RMST: variants seen among roughly 807,000 people sequenced by gnomAD.
The protein encoded by RMST is rhabdomyosarcoma 2 associated transcript.
At chr12:97,494,430 A>C (rs766577203) in intron 8 of RMST, among the ~76,000 whole-genome samples, 5 of 152,108 alleles carry the variant, frequency 3.3e-5, no homozygotes, top group Admixed American at 6.6e-5. Flanking sequence ...CACACCTGTA[A>C]ACCCAGCTAC....
At chr12:97,479,715 C>T (rs1874999611) in intron 5 of RMST, among the ~76,000 whole-genome samples, 1 of 152,118 alleles carries the variant, frequency 6.6e-6, no homozygotes, top group Admixed American at 6.5e-5. Context: ...CCCCTGGGTT[C>T]ATCCTCAGCC....
chr12:97,532,363 G>A (rs980892026), intron 11 of RMST, among the ~76,000 whole-genome samples: 1 of 151,890 alleles, frequency 6.6e-6, no homozygotes, highest in African/African-American at 2.4e-5. Flanking sequence ...ATTCAAAGGT[G>A]GTTAACATTT....
At chr12:97,492,289 T>G (rs1345673211) in intron 5 of RMST, among the ~76,000 whole-genome samples, 1 of 152,188 alleles carries the variant, frequency 6.6e-6, no homozygotes, top group African/African-American at 2.4e-5. Context: ...CCTGCCAGAG[T>G]GTAACATGGT....
chr12:97,558,314 T>C (rs1355083307), intron 11 of RMST, among the ~76,000 whole-genome samples: 2 of 152,192 alleles, frequency 1.3e-5, no homozygotes, highest in Non-Finnish European at 2.9e-5. Flanking sequence ...ATGGCTTATT[T>C]ATCATCACAT....
intron 10 of RMST, among the ~76,000 whole-genome samples, chr12:97,509,335 A>G (rs1303067972): frequency 6.6e-6 from 1 of 152,242 alleles, no homozygotes; most frequent in Non-Finnish European, 1.5e-5. Context: ...GCCTTCAAGT[A>G]TAAAAAGCTT....
intron 5 of RMST, among the ~76,000 whole-genome samples, chr12:97,466,413 T>G (rs562086532): frequency 3.9e-4 from 60 of 152,288 alleles, no homozygotes; most frequent in African/African-American, 1.4e-3. Flanking sequence ...ATATAAGTGG[T>G]TAATTTCCCA....
At chr12:97,554,352 A>G (rs889062496) in intron 11 of RMST, among the ~76,000 whole-genome samples, 1 of 152,164 alleles carries the variant, frequency 6.6e-6, no homozygotes, top group African/African-American at 2.4e-5. Flanking sequence ...GATTATGCAG[A>G]AGGTCCAAAA....
intron 10 of RMST, among the ~76,000 whole-genome samples, chr12:97,508,439 C>G (rs929315253): frequency 7.2e-5 from 11 of 152,094 alleles, no homozygotes; most frequent in Non-Finnish European, 1.2e-4. Context: ...ATGAGATTTC[C>G]TCCTCCTGGG....
At chr12:97,513,013 T>TGCCG (rs1879557437) in intron 10 of RMST, among the ~76,000 whole-genome samples, 2 of 152,206 alleles carry the variant, frequency 1.3e-5, no homozygotes, top group African/African-American at 2.4e-5. Context: ...GCCTGGGGCC[T>TGCCG]GCCGGCCGGC....
intron 10 of RMST, among the ~76,000 whole-genome samples, chr12:97,507,839 T>C (rs986737928): frequency 2.0e-5 from 3 of 152,118 alleles, no homozygotes; most frequent in African/African-American, 7.2e-5. Flanking sequence ...AATGAAAGCA[T>C]GGAAGAACAC....
At chr12:97,533,962 T>G (rs79687187) in intron 11 of RMST, among the ~76,000 whole-genome samples, 2 of 151,792 alleles carry the variant, frequency 1.3e-5, no homozygotes, top group African/African-American at 4.8e-5. Context: ...AAGTCAAAGA[T>G]GAAAAACTTG....
intron 10 of RMST, among the ~76,000 whole-genome samples, chr12:97,519,647 A>G (rs1044433283): frequency 1.3e-5 from 2 of 152,162 alleles, no homozygotes; most frequent in Admixed American, 1.3e-4. Context: ...TTAAAAGAAA[A>G]TTGTTTAGAT....
intron 5 of RMST, among the ~76,000 whole-genome samples, chr12:97,482,246 A>C (rs1269708310): frequency 1.3e-5 from 2 of 152,172 alleles, no homozygotes; most frequent in Non-Finnish European, 2.9e-5. Context: ...TGAGCATTTT[A>C]GTTTTTGTGG....
chr12:97,530,587 G>GAAAGGAACA (rs1881540744), intron 10 of RMST: 1 of 152,080 alleles, frequency 6.6e-6, no homozygotes, highest in African/African-American at 2.4e-5. Flanking sequence ...ACACGTATGA[G>GAAAGGAACA]AAAGGAACAA....
intron 10 of RMST, among the ~76,000 whole-genome samples, chr12:97,503,824 G>T (rs887537113): frequency 2.0e-5 from 3 of 152,200 alleles, no homozygotes; most frequent in African/African-American, 7.2e-5. Context: ...TTGCAGTTCA[G>T]ACATGGATAA....
intron 5 of RMST, among the ~76,000 whole-genome samples, chr12:97,479,133 CTTTTT>C (rs386377507): frequency 1.4e-5 from 1 of 69,048 alleles, no homozygotes; most frequent in Non-Finnish European, 2.5e-5. Context: ...CTTGTCTTTG[CTTTTT>C]TTTTTTTTTT....
intron 5 of RMST, among the ~76,000 whole-genome samples, chr12:97,489,457 GA>G (rs377120208): frequency 0.087 from 11,969 of 137,660 alleles, 657 homozygotes; most frequent in Middle Eastern, 0.14. Flanking sequence ...AAGAAAAAAA[GA>G]AAAAAAAAAA....
intron 10 of RMST, among the ~76,000 whole-genome samples, chr12:97,508,527 T>C (rs1467440997): frequency 3.3e-5 from 5 of 152,184 alleles, no homozygotes; most frequent in East Asian, 3.9e-4. Flanking sequence ...AGATTTGTAA[T>C]AGCTGGTTTG....
At chr12:97,562,123 T>C (rs866155447) in intron 13 of RMST, among the ~76,000 whole-genome samples, 1 of 152,140 alleles carries the variant, frequency 6.6e-6, no homozygotes, top group South Asian at 2.1e-4. Flanking sequence ...CCTTCAGCAA[T>C]GTTGGCTTTC....
Sources: gnomAD v4.1 joint callset for allele counts (sites outside exome capture counted in the v4.1 genomes callset) on GRCh38, gnomAD v4.1.1 for gene constraint, MANE v1.5 for transcripts, NCBI Gene and HGNC (gene_info 2026-07-23, HGNC 2026-07-21) for gene names.